NFASC: variants seen among roughly 807,000 people sequenced by gnomAD.
NFASC encodes neurofascin.
In NFASC, 43 loss-of-function variants were observed where a neutral mutation model predicts 147.5. The observed-to-expected ratio is 0.29, with a 90% CI of 0.23 to 0.38. The LOEUF is 0.38. NFASC is among the 10% of genes least tolerant of loss of function. The pLI is 1.00. For synonymous variants in NFASC, 622 were observed against 665.5 expected, an observed-to-expected ratio of 0.93 and a Z score of 1.01; for missense variants, 1,320 against 1,689.0, an observed-to-expected ratio of 0.78 and a Z score of 3.83.
intron 2 of NFASC, among the ~76,000 whole-genome samples, chr1:204,924,835 T>C (rs774203101): frequency 3.9e-5 from 6 of 152,168 alleles, no homozygotes; most frequent in Non-Finnish European, 8.8e-5. Flanking sequence ...CAGCTGTAAC[T>C]TGGGGGAGAG....
intron 21 of NFASC, among the ~76,000 whole-genome samples, chr1:204,983,398 G>A (rs1380281852): frequency 6.6e-6 from 1 of 152,146 alleles, no homozygotes; most frequent in African/African-American, 2.4e-5. Context: ...GAGAGTTGGA[G>A]GGAAAACGGC....
rs147862879 is a variant in NFASC, at chr1:204,840,356, G to C, written c.-200+11574G>C. Among the ~76,000 whole-genome samples, 52 of 152,306 alleles carry C rather than the reference G, an allele frequency of 3.4e-4. 1 individual carries two copies. In the South Asian group the frequency reaches 4.3e-3, roughly 13 times the overall value. ...TCTGAGGGTTGGGTCTAGGTACTGG[G>C]ATGTTGTAAAGGCCTTCCAGGTAAT... On this transcript the variant is annotated intron_variant, in intron 1 of 29. Coordinates refer to ENST00000339876, the MANE Select transcript of NFASC (RefSeq NM_001005388.3).
At chr1:204,951,315 ATTTT>A (rs33974199) in intron 4 of NFASC, among the ~76,000 whole-genome samples, 10 of 118,804 alleles carry the variant, frequency 8.4e-5, no homozygotes, top group Non-Finnish European at 8.7e-5. Context: ...TGCCCGGCTA[ATTTT>A]TTTTTTTTTT....
Position 204,968,723 on chromosome 1 carries a change from G to C in NFASC, c.819-75G>C. 1 of 1,388,216 alleles carries C rather than the reference G, an allele frequency of 7.2e-7. No homozygotes were observed. The highest frequency in any genetic ancestry group is 9.8e-7 in the Non-Finnish European group (1 of 1,021,288). 86.0% of individuals were successfully genotyped at this position (1,388,216 alleles called of 1,614,324 possible). ...CCAAGTATACTTTTAGGCCACCTGG[G>C]TGTCCCCAGCTGTATAGAAGAGGAG... is the stretch of plus-strand genomic sequence containing the variant. On this transcript the variant is annotated intron_variant, in intron 9 of 29. Coordinates refer to ENST00000339876, the MANE Select transcript of NFASC (RefSeq NM_001005388.3). The surrounding 1 kb of genome is among the most constrained non-coding windows in gnomAD (Gnocchi z 5.4).
At chr1:204,861,002 T>C (rs996573750) in intron 1 of NFASC, among the ~76,000 whole-genome samples, 1 of 152,028 alleles carries the variant, frequency 6.6e-6, no homozygotes, top group Non-Finnish European at 1.5e-5. Context: ...GGTTTTTTTT[T>C]CTACCTTTGA....
Position 205,019,852 on chromosome 1 carries a change from T to A in NFASC, c.*3313T>A, listed in dbSNP as rs921596574. ...ACCTGTCTGTATTTTTATGCCTCTG[T>A]CTCCCATTCAGTTCCTCCTTGAATA... On this transcript the variant is annotated 3_prime_UTR_variant, in exon 30 of 30. Coordinates refer to ENST00000339876, the MANE Select transcript of NFASC (RefSeq NM_001005388.3). 6.6e-6 allele frequency: 1 copy of A among 152,190 alleles called. No homozygotes were observed. Among genetic ancestry groups the A allele is most frequent in the African/African-American group, 2.4e-5 (1 of 41,426 alleles). The allele number at this position is 152,190 out of a possible 1,614,324, so 9.4% of individuals were successfully genotyped here.
intron 1 of NFASC, among the ~76,000 whole-genome samples, chr1:204,898,876 G>T (rs1572696611): frequency 6.6e-6 from 1 of 152,352 alleles, no homozygotes; most frequent in African/African-American, 2.4e-5. Flanking sequence ...CTAGGTGTTG[G>T]AGGAGGTTAA....
At chr1:204,994,603 T>G (rs1396801563) in intron 24 of NFASC, among the ~76,000 whole-genome samples, 1 of 152,220 alleles carries the variant, frequency 6.6e-6, no homozygotes, top group Non-Finnish European at 1.5e-5. Context: ...AGGCCCAGGC[T>G]CCTGCACTAC....
At chr1:204,888,953 A>T (rs2081860189) in intron 1 of NFASC, among the ~76,000 whole-genome samples, 1 of 152,154 alleles carries the variant, frequency 6.6e-6, no homozygotes, top group Non-Finnish European at 1.5e-5. Flanking sequence ...CTTCTGAATG[A>T]TCCCAGCTTG....
rs552611533 is a variant in NFASC, at chr1:204,974,013, C to T, written c.1280-166C>T. Among the ~76,000 whole-genome samples, 5 of 152,240 alleles carry T rather than the reference C, an allele frequency of 3.3e-5. No individual in the cohort carries two copies. The South Asian group carries it at 6.2e-4, about 19-fold the overall frequency. Reference sequence around the variant, plus strand: ...GAGGACGTAGTAAGCTTCTCCTTCCCCACCTAATCCTTAGGGGCTTCCTGA... The same window carrying T: ...GAGGACGTAGTAAGCTTCTCCTTCCTCACCTAATCCTTAGGGGCTTCCTGA... On this transcript the variant is annotated intron_variant, in intron 12 of 29. Transcript: ENST00000339876.
chr1:204,980,561 T>C, intron 20 of NFASC, 121 bp downstream of exon 20: 2 of 739,528 alleles, frequency 2.7e-6, no homozygotes, highest in Non-Finnish European at 4.5e-6. Flanking sequence ...TGGCTGGTCT[T>C]GGTGGCCATT....
chr1:204,995,542 G>C (rs1444788173), intron 24 of NFASC, among the ~76,000 whole-genome samples: 2 of 152,080 alleles, frequency 1.3e-5, no homozygotes, highest in African/African-American at 4.8e-5. Flanking sequence ...CCGGGGTTTG[G>C]GGAGTATAGC....
At chr1:204,991,497 A>C (rs1237716304) in intron 24 of NFASC, among the ~76,000 whole-genome samples, 191 bp downstream of exon 24, 3 of 152,198 alleles carry the variant, frequency 2.0e-5, no homozygotes, top group Non-Finnish European at 2.9e-5. Flanking sequence ...GAGCAAGCCC[A>C]CTTTCCCCCC....
At chr1:204,913,075 G>A (rs761605528) in intron 1 of NFASC, among the ~76,000 whole-genome samples, 8 of 152,074 alleles carry the variant, frequency 5.3e-5, no homozygotes, top group Non-Finnish European at 8.8e-5. Context: ...TTTCAATGTG[G>A]TGGGATTCAA....
At chr1:204,947,629 T>G (rs1450797959) in intron 3 of NFASC, among the ~76,000 whole-genome samples, 2 of 15,906 alleles carry the variant, frequency 1.3e-4, no homozygotes, top group African/African-American at 4.5e-4. Context: ...CCTCCCTCCC[T>G]CCTTCCCTCC....
chr1:204,860,557 T>G (rs2076569726), intron 1 of NFASC, among the ~76,000 whole-genome samples: 1 of 152,202 alleles, frequency 6.6e-6, no homozygotes. Context: ...CCCACTTCTT[T>G]TTTCTTTGGG....
intron 1 of NFASC, among the ~76,000 whole-genome samples, chr1:204,876,436 T>C (rs1461071034): frequency 4.6e-5 from 7 of 152,236 alleles, no homozygotes; most frequent in Admixed American, 3.3e-4. Flanking sequence ...TCTTATTTCA[T>C]CATGGTAAAA....
In NFASC at chr1:205,016,376, G is replaced by A; in HGVS notation, c.3560G>A (p.Ser1187Asn). The A allele has an allele frequency of 6.2e-7, 1 of 1,614,148 alleles. No individual in the cohort carries two copies. Among genetic ancestry groups the A allele is most frequent in the Non-Finnish European group, 8.5e-7 (1 of 1,180,026 alleles). The part of the protein sequence containing the change: ...SLDGTIKQQE[S>N]DDSLVDYGEG... ...GACGGCACCATCAAGCAGCAGGAGAGTGACGACAGCCTGGTGGACTATGGC... is the reference window on the plus strand; with the variant it reads ...GACGGCACCATCAAGCAGCAGGAGAATGACGACAGCCTGGTGGACTATGGC... Residue 1187 changes from serine (S) to asparagine (N), a missense_variant, in exon 30 of 30, where the codon AGT (serine) becomes AAT (asparagine). Around this residue, in one of 3 missense-constraint regions of NFASC, gnomAD observed 167 missense variants for 233.8 expected, o/e 0.71. Transcript: ENST00000339876. This position sits in a 1 kb window ranked among gnomAD's most constrained non-coding sequence, Gnocchi z 5.1.
In NFASC at chr1:204,976,711, G is replaced by A. The variant is rs772122464; in HGVS notation, c.1747G>A (p.Ala583Thr). Residue 583 changes from alanine (A) to threonine (T), a missense_variant, in exon 16 of 30, where the codon GCA becomes ACA. Physicochemically the swap from Ala to Thr is moderately conservative, Grantham distance 58 (BLOSUM62 0). Coordinates refer to ENST00000339876, the MANE Select transcript of NFASC (RefSeq NM_001005388.3). ...CGACTCCCTGACCATCTTTGGGGTG[G>A]CAGAGCGGGACCAGGGCAGTTACAC... The part of the protein sequence containing the change: ...EDDSLTIFGV[A>T]ERDQGSYTCV... The A allele has an allele frequency of 3.7e-5, 60 of 1,613,838 alleles. No homozygotes were observed. Among genetic ancestry groups the A allele is most frequent in the Non-Finnish European group, 4.7e-5 (56 of 1,179,916 alleles).
Sources: gnomAD v4.1 joint callset for allele counts (sites outside exome capture counted in the v4.1 genomes callset) on GRCh38, gnomAD v4.1.1 for gene constraint, gnomAD v4.1.1 regional missense constraint, Gnocchi (gnomAD v3.1) non-coding constraint, MANE v1.5 for transcripts, NCBI Gene and HGNC (gene_info 2026-07-23, HGNC 2026-07-21) for gene names.